The following CTNNA3 variants were observed in gnomAD, a reference collection of about 807,000 sequenced individuals.
The protein encoded by CTNNA3 is catenin alpha 3.
A neutral mutation model predicts 95.7 loss-of-function variants in CTNNA3; 76 were observed. The observed-to-expected ratio is 0.79, with a 90% confidence interval of 0.66 to 0.96. The LOEUF (loss-of-function observed/expected upper bound fraction) is 0.96, where lower values mean the gene tolerates loss of function less well. CTNNA3 is among the 40% of genes least tolerant of loss of function. CTNNA3 has a pLI of 0.00. For synonymous variants in CTNNA3, 431 were observed against 374.4 expected (o/e 1.15, Z -1.74); for missense variants, 1,191 against 1,089.8 (o/e 1.09, Z -1.31).
intron 5 of CTNNA3, among the ~76,000 whole-genome samples, chr10:67,258,681 C>A (rs1280653040): frequency 1.3e-5 from 2 of 152,066 alleles, no homozygotes; most frequent in Non-Finnish European, 1.5e-5. Context: ...AAAACTGAAG[C>A]CCCAAAGGTT....
intron 7 of CTNNA3, among the ~76,000 whole-genome samples, chr10:66,983,095 A>T (rs1295282178): frequency 6.6e-6 from 1 of 152,216 alleles, no homozygotes; most frequent in Non-Finnish European, 1.5e-5. Flanking sequence ...ATCAATTACA[A>T]TGTGCTATAT....
chr10:66,849,388 G>A (rs760847958), intron 7 of CTNNA3, among the ~76,000 whole-genome samples: 1 of 152,094 alleles, frequency 6.6e-6, no homozygotes, highest in African/African-American at 2.4e-5. Context: ...CCTTATGTTT[G>A]TTTCCTTTTT....
Position 66,652,610 on chromosome 10 carries a change from G to A in CTNNA3, c.1282-30826C>T, listed in dbSNP as rs531786542. 1.1e-4 allele frequency among the ~76,000 whole-genome samples: 17 copies of A among 152,170 alleles called. No individual in the cohort carries two copies. The South Asian group carries it at 3.3e-3, about 30-fold the overall frequency. On this transcript the variant is annotated intron_variant, in intron 9 of 17. Coordinates refer to ENST00000433211, the MANE Select transcript of CTNNA3 (RefSeq NM_013266.4). ...TTCTCAAACTCTTCTGAAAAACATT[G>A]AAGAAGAAATACTTCCAAACTAATT...
chr10:67,175,522 G>A (rs968453415), intron 7 of CTNNA3, among the ~76,000 whole-genome samples: 14 of 152,096 alleles, frequency 9.2e-5, no homozygotes, highest in African/African-American at 2.9e-4. Context: ...CAGCAAATAC[G>A]TAATGAGAAC....
intron 5 of CTNNA3, among the ~76,000 whole-genome samples, chr10:67,371,468 G>A (rs1310796048): frequency 2.7e-5 from 4 of 148,582 alleles, no homozygotes; most frequent in African/African-American, 9.9e-5. Context: ...CAATGAGTGA[G>A]AACATGTGGT....
chr10:66,658,200 A>G (rs1386713141), intron 9 of CTNNA3, among the ~76,000 whole-genome samples: 1 of 150,682 alleles, frequency 6.6e-6, no homozygotes, highest in Admixed American at 6.6e-5. Context: ...TCACTTGTCA[A>G]TGACTAGAAA....
intron 12 of CTNNA3, among the ~76,000 whole-genome samples, chr10:66,335,000 C>T (rs549900639): frequency 6.6e-6 from 1 of 151,974 alleles, no homozygotes; most frequent in African/African-American, 2.4e-5. Context: ...TCACTGATAC[C>T]CTTTCTTCCA....
intron 9 of CTNNA3, among the ~76,000 whole-genome samples, chr10:66,624,045 C>T (rs1844845172): frequency 6.6e-6 from 1 of 152,084 alleles, no homozygotes. Flanking sequence ...GATATTTGGA[C>T]ATTTGATATC....
intron 7 of CTNNA3, among the ~76,000 whole-genome samples, chr10:66,895,179 G>A (rs1017696164): frequency 3.3e-5 from 5 of 151,704 alleles, no homozygotes; most frequent in Admixed American, 6.6e-5. Context: ...TAATCCTTTC[G>A]GAGTGACCTC....
intron 7 of CTNNA3, among the ~76,000 whole-genome samples, chr10:66,950,539 T>C (rs375656251): frequency 2.0e-5 from 3 of 152,116 alleles, no homozygotes; most frequent in Admixed American, 6.5e-5. Flanking sequence ...AAAATATGTA[T>C]GATATTTGAG....
At chr10:67,452,188 A>G (rs776806702) in intron 5 of CTNNA3, among the ~76,000 whole-genome samples, 1 of 152,160 alleles carries the variant, frequency 6.6e-6, no homozygotes, top group Non-Finnish European at 1.5e-5. Flanking sequence ...TTGTTAATTT[A>G]CTAGGCATTA....
intron 9 of CTNNA3, among the ~76,000 whole-genome samples, chr10:66,687,544 A>C (rs1847342879): frequency 6.6e-6 from 1 of 152,162 alleles, no homozygotes; most frequent in Non-Finnish European, 1.5e-5. Context: ...ATAAATAAAC[A>C]AGACATAGTA....
intron 7 of CTNNA3, among the ~76,000 whole-genome samples, chr10:66,871,703 G>A (rs941390753): frequency 2.0e-5 from 3 of 151,964 alleles, no homozygotes; most frequent in African/African-American, 7.3e-5. Flanking sequence ...TACATGTACT[G>A]TTCTGGAATC....
In CTNNA3 at chr10:66,417,989, C is replaced by A. The variant is rs146039989; in HGVS notation, c.1532-38637G>T. On this transcript the variant is annotated intron_variant, in intron 11 of 17. Transcript: ENST00000433211. ...AAGAATGAACCAAACCAAACATTAG[C>A]AGGAGGCAAGAAATAATAAAGATCA... Among the ~76,000 whole-genome samples the A allele has an allele frequency of 7.3e-4, 111 of 151,188 alleles. 1 individual carries two copies. Among genetic ancestry groups the A allele is most frequent in the African/African-American group, 2.3e-3 (95 of 41,298 alleles).
intron 7 of CTNNA3, among the ~76,000 whole-genome samples, chr10:67,060,153 A>G (rs1855679185): frequency 6.6e-6 from 1 of 151,984 alleles, no homozygotes; most frequent in African/African-American, 2.4e-5. Context: ...CCATCTCCAC[A>G]AAAAAATACA....
intron 11 of CTNNA3, among the ~76,000 whole-genome samples, chr10:66,417,895 T>A (rs2093159849): frequency 6.6e-6 from 1 of 151,800 alleles, no homozygotes; most frequent in Admixed American, 6.6e-5. Context: ...TAGAAATAAT[T>A]GCCTACATCA....
intron 13 of CTNNA3, among the ~76,000 whole-genome samples, chr10:66,105,884 T>C (rs1331897686): frequency 1.3e-5 from 2 of 151,570 alleles, no homozygotes; most frequent in Admixed American, 1.3e-4. Context: ...GAGAAAGGAG[T>C]ACTCTAATAA....
intron 7 of CTNNA3, among the ~76,000 whole-genome samples, chr10:66,916,017 G>A (rs908912480): frequency 6.6e-6 from 1 of 152,084 alleles, no homozygotes; most frequent in Non-Finnish European, 1.5e-5. Flanking sequence ...AAAGTGGGCT[G>A]GGATTACAGG....
intron 9 of CTNNA3, among the ~76,000 whole-genome samples, chr10:66,743,335 A>T (rs1193966433): frequency 6.6e-6 from 1 of 152,192 alleles, no homozygotes; most frequent in Non-Finnish European, 1.5e-5. Context: ...GATCGTACAA[A>T]TTTACCCTCT....
Sources: allele counts gnomAD v4.1 joint callset (sites outside exome capture counted in the v4.1 genomes callset), GRCh38; gene constraint gnomAD v4.1.1; transcripts MANE v1.5; gene names NCBI Gene and HGNC (gene_info 2026-07-23, HGNC 2026-07-21).